Variants in DENND4C observed in about 807,000 individuals in gnomAD.
The protein encoded by DENND4C is DENN domain-containing protein 4C.
DENND4C carries 108 observed loss-of-function variants against 203.0 expected under a neutral mutation model. The observed-to-expected ratio is 0.53, with a 90% CI of 0.46 to 0.62. DENND4C has a LOEUF of 0.62. Ranked by LOEUF, DENND4C falls within the 20% of genes least tolerant of loss-of-function variation. DENND4C has a pLI of 0.00. For synonymous variants in DENND4C, 871 were observed against 792.4 expected (o/e 1.10, Z -1.67); for missense variants, 2,481 against 2,301.2 (o/e 1.08, Z -1.60).
At chr9:19,318,812 C>T (rs1842263927) in intron 12 of DENND4C, among the ~76,000 whole-genome samples, 1 of 152,148 alleles carries the variant, frequency 6.6e-6, no homozygotes, top group Non-Finnish European at 1.5e-5. Context: ...AGCATAATTA[C>T]CTCTTTAAAG....
At chr9:19,249,910 A>C (rs889448399) in intron 1 of DENND4C, among the ~76,000 whole-genome samples, 1 of 152,044 alleles carries the variant, frequency 6.6e-6, no homozygotes, top group Non-Finnish European at 1.5e-5. Context: ...CTCCCACTTC[A>C]GCCTCCCAAA....
At chr9:19,299,154 A>G (rs1838046727) in intron 7 of DENND4C, 75 bp from the exon 8 acceptor site, 2 of 1,103,920 alleles carry the variant, frequency 1.8e-6, no homozygotes, top group Non-Finnish European at 2.6e-6. Flanking sequence ...TATAGATTTC[A>G]AAAGTAGTTT....
chr9:19,335,250 A>C, intron 18 of DENND4C, 145 bp downstream of exon 18: 1 of 411,598 alleles, frequency 2.4e-6, no homozygotes, highest in Non-Finnish European at 3.9e-6. Context: ...AAATTGACAA[A>C]AAGTATATAT....
intron 16 of DENND4C, among the ~76,000 whole-genome samples, chr9:19,330,368 C>T (rs1353657254): frequency 1.7e-4 from 21 of 121,908 alleles, no homozygotes; most frequent in African/African-American, 6.2e-4. Context: ...AAGATGGAGT[C>T]TCACTCTGTC....
At chr9:19,352,467 T>C in intron 25 of DENND4C, 23 bp from the exon 26 acceptor site, 1 of 1,543,236 alleles carries the variant, frequency 6.5e-7, no homozygotes, top group Non-Finnish European at 8.7e-7. Context: ...ACGTTCTCAG[T>C]GTCTGCATTT....
chr9:19,264,626 T>C (rs1164412281), intron 1 of DENND4C, among the ~76,000 whole-genome samples: 2 of 152,168 alleles, frequency 1.3e-5, no homozygotes, highest in African/African-American at 2.4e-5. Flanking sequence ...TAATGATCTT[T>C]TGAATTTCTG....
In DENND4C at chr9:19,336,726, G is replaced by A; in HGVS notation, c.2775G>A (p.Val925=). The A allele has an allele frequency of 6.4e-7, 1 of 1,551,128 alleles. No individual in the cohort carries two copies. The highest frequency in any genetic ancestry group is 8.7e-7 in the Non-Finnish European group (1 of 1,147,104). The change falls in exon 20 of 33, where the codon GTG becomes GTA. Residue 925 remains valine (V), a synonymous_variant. Transcript: ENST00000434457. The part of the protein sequence containing the change: ...NVTGGSDGDT[V]SHGSVDSSND... ...CAGGTGGAAGTGATGGGGACACGGT[G>A]AGCCACGGTAGTGTGGATAGTTCTA...
In DENND4C at chr9:19,357,059, A is replaced by G. The variant is rs1433313432; in HGVS notation, c.4869A>G (p.Val1623=). The G allele has an allele frequency of 6.2e-7, 1 of 1,614,010 alleles. No homozygotes were observed. Among genetic ancestry groups the G allele is most frequent in the Non-Finnish European group, 8.5e-7 (1 of 1,179,914 alleles). ...LANESLEHKP[V]SSLAEPDLIN... Reference sequence around the variant, plus strand: ...ATGAATCCTTGGAGCACAAACCTGTATCCAGTTTAGCAGAACCTGACTTGA... The same window carrying G: ...ATGAATCCTTGGAGCACAAACCTGTGTCCAGTTTAGCAGAACCTGACTTGA... The change falls in exon 27 of 33, where the codon GTA becomes GTG. Residue 1623 remains valine, a synonymous_variant. Transcript: ENST00000434457.
intron 13 of DENND4C, among the ~76,000 whole-genome samples, chr9:19,324,713 T>C (rs1307097073): frequency 6.6e-6 from 1 of 152,210 alleles, no homozygotes; most frequent in African/African-American, 2.4e-5. Flanking sequence ...AATTTTTCTA[T>C]TCTTTATTCA....
rs887815079 is a variant in DENND4C at position 19,279,062 on chromosome 9, C to T, written c.305+2583C>T. ...CAGTGTGGTGGCTTACACTGTAATC[C>T]CAGCTAACCTGTAATCCCAGCACTT... On this transcript the variant is annotated intron_variant, in intron 2 of 32. Coordinates refer to ENST00000434457, the MANE Select transcript of DENND4C (RefSeq NM_001330640.2). 9.3e-5 allele frequency among the ~76,000 whole-genome samples: 13 copies of T among 139,394 alleles called. 3 individuals carry two copies. The highest frequency in any genetic ancestry group is 3.6e-4 in the Admixed American group (5 of 13,976). 91.4% of individuals were successfully genotyped at this position (139,394 alleles called of 152,430 possible).
Position 19,360,321 on chromosome 9 carries a change from T to G in DENND4C, c.5238T>G (p.Leu1746=), listed in dbSNP as rs1355380150. 2 of 1,614,116 alleles carry G rather than the reference T, an allele frequency of 1.2e-6. No homozygotes were observed. The highest frequency in any genetic ancestry group is 2.2e-5 in the East Asian group (1 of 44,864). Residue 1746 remains leucine (L), a synonymous_variant, in exon 29 of 33, where the codon CTT becomes CTG. Transcript: ENST00000434457. ...YLSPLVLRKE[L]ESLLENEGDQ... ...GTCCTCTAGTACTCCGTAAAGAACT[T>G]GAATCTTTGCTAGAAAATGAAGGTG...
chr9:19,240,912 G>A (rs551424027), intron 1 of DENND4C, among the ~76,000 whole-genome samples: 4 of 152,276 alleles, frequency 2.6e-5, no homozygotes, highest in African/African-American at 4.8e-5. Context: ...GCAGTGAGCC[G>A]AGATCACGCC....
intron 9 of DENND4C, 102 bp from the exon 10 acceptor site, chr9:19,305,250 C>CGTT: frequency 1.0e-6 from 1 of 999,570 alleles, no homozygotes; most frequent in Non-Finnish European, 1.4e-6. Flanking sequence ...ACAAAACAGA[C>CGTT]TTAACTGCTT....
At chr9:19,264,099 G>A (rs1412407519) in intron 1 of DENND4C, among the ~76,000 whole-genome samples, 1 of 152,082 alleles carries the variant, frequency 6.6e-6, no homozygotes, top group Non-Finnish European at 1.5e-5. Flanking sequence ...TAAATCTTTG[G>A]TAAAATTCAG....
At chr9:19,305,943 G>T (rs1165401933) in intron 10 of DENND4C, among the ~76,000 whole-genome samples, 2 of 152,210 alleles carry the variant, frequency 1.3e-5, no homozygotes, top group East Asian at 3.8e-4. Context: ...TATACCATTT[G>T]CTTAGTTGTC....
chr9:19,369,766 CA>C (rs151013945), intron 30 of DENND4C, 70 bp from the exon 31 acceptor site: 26,318 of 660,066 alleles, frequency 0.04, 12 homozygotes, highest in East Asian at 0.048. Context: ...GATGTTGTCT[CA>C]AAAAAAAAAA....
chr9:19,322,504 G>A (rs926394805), intron 12 of DENND4C, among the ~76,000 whole-genome samples: 1 of 151,918 alleles, frequency 6.6e-6, no homozygotes, highest in African/African-American at 2.4e-5. Flanking sequence ...GCTCAGGCCT[G>A]TAATCCCCGC....
chr9:19,304,473 C>T (rs113934584), intron 9 of DENND4C, among the ~76,000 whole-genome samples: 4,047 of 151,858 alleles, frequency 0.027, 176 homozygotes, highest in African/African-American at 0.091. Context: ...TGTGAGCCAC[C>T]GTGCCCAGCC....
chr9:19,368,568 G>A (rs915727017), intron 30 of DENND4C, among the ~76,000 whole-genome samples: 5 of 152,242 alleles, frequency 3.3e-5, no homozygotes, highest in Admixed American at 6.5e-5. Flanking sequence ...AGGCCAAGGT[G>A]GGAGGATCAC....
Sources: gnomAD v4.1 joint callset for allele counts (sites outside exome capture counted in the v4.1 genomes callset) on GRCh38, gnomAD v4.1.1 for gene constraint, MANE v1.5 for transcripts, NCBI Gene and HGNC (gene_info 2026-07-23, HGNC 2026-07-21) for gene names.